Variants in OLFM1 observed in about 807,000 individuals in gnomAD.
OLFM1 encodes the protein olfactomedin 1, also known as noelin.
Under a neutral mutation model 49.7 loss-of-function variants are expected in OLFM1, and 9 were observed. The observed-to-expected ratio is 0.18, with a 90% CI of 0.11 to 0.32. The LOEUF (loss-of-function observed/expected upper bound fraction) is 0.32, where lower values mean the gene tolerates loss of function less well. Among genes scored for constraint, OLFM1 ranks in the 10% least tolerant of loss-of-function variants. The pLI, the probability that OLFM1 is intolerant of heterozygous loss-of-function variation, is 1.00. For missense variants in OLFM1, 369 were observed against 661.8 expected (o/e 0.56, Z 4.85); for synonymous variants, 240 against 271.8 (o/e 0.88, Z 1.15).
chr9:135,112,926 G>A (rs1831043308), intron 5 of OLFM1, among the ~76,000 whole-genome samples: 2 of 152,194 alleles, frequency 1.3e-5, no homozygotes, highest in African/African-American at 4.8e-5. Context: ...ATGAGCAGGT[G>A]CGGGGAGCTG....
chr9:135,077,303 C>A, intron 1 of OLFM1: 2 of 1,421,272 alleles, frequency 1.4e-6, no homozygotes, highest in South Asian at 1.6e-5. Context: ...CTGGGTGGTC[C>A]TGGACATGGC....
At chr9:135,106,696 C>T in intron 4 of OLFM1, 53 bp from the exon 5 acceptor site, 1 of 1,426,914 alleles carries the variant, frequency 7.0e-7, no homozygotes. Flanking sequence ...AGGGTCATCA[C>T]CGCGGGCCGG....
intron 5 of OLFM1, among the ~76,000 whole-genome samples, chr9:135,108,059 C>A (rs1362999917): frequency 6.6e-6 from 1 of 152,166 alleles, no homozygotes; most frequent in African/African-American, 2.4e-5. Context: ...TGGGAGTGGC[C>A]CCCGCCCCCA....
At chr9:135,082,265 A>G (rs922734654) in intron 1 of OLFM1, among the ~76,000 whole-genome samples, 3 of 152,202 alleles carry the variant, frequency 2.0e-5, no homozygotes, top group Non-Finnish European at 4.4e-5. Context: ...CCACATTCAG[A>G]TCAGCAGTTC....
At chr9:135,082,817 G>C (rs1329635238), upstream of OLFM1, among the ~76,000 whole-genome samples, 2 of 152,190 alleles carry the variant, frequency 1.3e-5, no homozygotes, top group African/African-American at 4.8e-5. Context: ...CAGCAGTCTT[G>C]GTGAGAGGTG....
intron 4 of OLFM1, among the ~76,000 whole-genome samples, chr9:135,104,124 G>C (rs895985104): frequency 1.3e-5 from 2 of 152,206 alleles, no homozygotes; most frequent in Admixed American, 6.5e-5. Context: ...TGAGATGTAC[G>C]GTGGGAAGCT....
At chr9:135,084,711 G>A (rs191250797), upstream of OLFM1, among the ~76,000 whole-genome samples, 50 of 152,052 alleles carry the variant, frequency 3.3e-4, no homozygotes, top group Middle Eastern at 3.4e-3. The surrounding 1 kb of genome is among the most constrained non-coding windows in gnomAD (Gnocchi z 4.6). Flanking sequence ...AACAGCAACC[G>A]GGCATCCAAA....
chr9:135,087,441 G>C, upstream of OLFM1: 1 of 1,543,134 alleles, frequency 6.5e-7, no homozygotes, highest in Non-Finnish European at 8.7e-7. Flanking sequence ...CGCCGCCGCC[G>C]GGTATTTTAT....
At chr9:135,105,981 G>A (rs553311495) in intron 4 of OLFM1, 170 of 152,604 alleles carry the variant, frequency 1.1e-3, no homozygotes, top group African/African-American at 3.8e-3. Flanking sequence ...CTGAGCCCTC[G>A]GGGGTGTGGG....
chr9:135,097,983 G>C, intron 3 of OLFM1: 1 of 1,425,148 alleles, frequency 7.0e-7, no homozygotes, highest in Non-Finnish European at 9.1e-7. Context: ...TTCATGAATA[G>C]TTTGAACCCT....
upstream of OLFM1, among the ~76,000 whole-genome samples, chr9:135,084,002 G>C (rs536156055): frequency 3.7e-4 from 57 of 152,354 alleles, no homozygotes; most frequent in South Asian, 0.011. This position sits in a 1 kb window ranked among gnomAD's most constrained non-coding sequence, Gnocchi z 4.6. Flanking sequence ...CCTCTCCAGG[G>C]AAGGGGGTGA....
At chr9:135,099,687 T>C (rs1000390479) in intron 4 of OLFM1, among the ~76,000 whole-genome samples, 2 of 152,200 alleles carry the variant, frequency 1.3e-5, no homozygotes, top group African/African-American at 2.4e-5. Flanking sequence ...AGAGAACTAA[T>C]CCATTTTGAT....
intron 2 of OLFM1, 40 bp downstream of exon 2, chr9:135,090,384 GTT>G (rs1491477250): frequency 1.6e-4 from 240 of 1,503,696 alleles, no homozygotes; most frequent in South Asian, 6.4e-4. Context: ...ATGTGTGTGT[GTT>G]TGTGTGTGTG....
chr9:135,116,126 A>T (rs975710929), intron 5 of OLFM1, among the ~76,000 whole-genome samples: 1 of 152,220 alleles, frequency 6.6e-6, no homozygotes, highest in Non-Finnish European at 1.5e-5. Context: ...AAAGGGGAAG[A>T]AAAAGGCCTT....
chr9:135,117,068 CCAGA>C lies in OLFM1; in HGVS notation c.784-2431_784-2428del, dbSNP rs1177860316. Among the ~76,000 whole-genome samples the C allele has an allele frequency of 1.3e-5, 2 of 152,146 alleles. No individual in the cohort carries two copies. The highest frequency in any genetic ancestry group is 2.9e-5 in the Non-Finnish European group (2 of 68,028). The stretch of plus-strand genomic sequence containing the variant: ...GACGGATAAAGCAGCTGTCTCATTG[CCAGA>C]CAGATGCATGCAGAGCGGCACCAGC... On this transcript the variant is annotated intron_variant, in intron 5 of 5. Transcript: ENST00000371793. The surrounding 1 kb of genome is among the most constrained non-coding windows in gnomAD (Gnocchi z 5.5).
chr9:135,118,257 G>T (rs1461702912), intron 5 of OLFM1, among the ~76,000 whole-genome samples: 1 of 151,854 alleles, frequency 6.6e-6, no homozygotes, highest in African/African-American at 2.4e-5. Context: ...TGGGTCTTTG[G>T]AGTACTCACT....
At chr9:135,075,671 A>G in exon 1 of OLFM1, 1 of 1,501,296 alleles carries the variant, frequency 6.7e-7, no homozygotes, top group South Asian at 1.2e-5. Flanking sequence ...GTCCGCGTCC[A>G]CGCAGCCGCC....
Position 135,098,597 on chromosome 9 carries a change from C to A in OLFM1, c.676+92C>A. 1 of 1,162,840 alleles carries A rather than the reference C, an allele frequency of 8.6e-7. No individual in the cohort carries two copies. Among genetic ancestry groups the A allele is most frequent in the East Asian group, 2.4e-5 (1 of 41,534 alleles). 72.0% of individuals were successfully genotyped at this position (1,162,840 alleles called of 1,614,324 possible). ...GAGTGGTGCTGAAGTGGACAGCGCCCGCCTGGCTTCGCGAGGTGATGGCTG... is the reference window on the plus strand; with the variant it reads ...GAGTGGTGCTGAAGTGGACAGCGCCAGCCTGGCTTCGCGAGGTGATGGCTG... On this transcript the variant is annotated intron_variant, in intron 4 of 5. Coordinates refer to ENST00000371793, the MANE Select transcript of OLFM1 (RefSeq NM_001282611.2). This position sits in a 1 kb window ranked among gnomAD's most constrained non-coding sequence, Gnocchi z 5.6.
At chr9:135,081,316 C>T (rs537531651) in intron 1 of OLFM1, among the ~76,000 whole-genome samples, 4 of 152,320 alleles carry the variant, frequency 2.6e-5, no homozygotes, top group African/African-American at 4.8e-5. Context: ...GCAGTGTCAC[C>T]GAACACCAGT....
Sources: gnomAD v4.1 joint callset for allele counts (sites outside exome capture counted in the v4.1 genomes callset) on GRCh38, gnomAD v4.1.1 for gene constraint, Gnocchi (gnomAD v3.1) non-coding constraint, MANE v1.5 for transcripts, NCBI Gene and HGNC (gene_info 2026-07-23, HGNC 2026-07-21) for gene names.